GRIK4: variants seen among roughly 807,000 people sequenced by gnomAD.
GRIK4 encodes glutamate receptor ionotropic, kainate 4.
GRIK4 carries 40 observed loss-of-function variants against 104.9 expected under a neutral mutation model. The observed-to-expected ratio is 0.38, with a 90% CI of 0.30 to 0.50. The LOEUF is 0.50. Among genes scored for constraint, GRIK4 ranks in the 20% least tolerant of loss-of-function variants. The pLI, the probability that GRIK4 is intolerant of heterozygous loss-of-function variation, is 0.93. For synonymous variants in GRIK4, 485 were observed against 524.9 expected, an observed-to-expected ratio of 0.92 and a Z score of 1.04; for missense variants, 1,047 against 1,308.1, an observed-to-expected ratio of 0.80 and a Z score of 3.08.
intron 1 of GRIK4, among the ~76,000 whole-genome samples, chr11:120,633,456 G>A (rs576997780): frequency 2.0e-5 from 3 of 152,186 alleles, no homozygotes; most frequent in South Asian, 2.1e-4. Flanking sequence ...GTGTGTGCTC[G>A]CATGCACCTG....
intron 1 of GRIK4, among the ~76,000 whole-genome samples, chr11:120,644,253 G>A (rs1231356813): frequency 6.6e-6 from 1 of 152,200 alleles, no homozygotes; most frequent in African/African-American, 2.4e-5. Context: ...AAAGAGCAGT[G>A]AGGAAAATGC....
At chr11:120,969,817 T>G (rs1363162802) in intron 19 of GRIK4, among the ~76,000 whole-genome samples, 2 of 152,134 alleles carry the variant, frequency 1.3e-5, no homozygotes, top group East Asian at 3.9e-4. Flanking sequence ...TTATCAATCC[T>G]TCCTCTGATT....
At chr11:120,971,033 G>A (rs1944466293) in intron 19 of GRIK4, among the ~76,000 whole-genome samples, 1 of 152,164 alleles carries the variant, frequency 6.6e-6, no homozygotes, top group African/African-American at 2.4e-5. Context: ...GGTTGAGTAA[G>A]ATAAATCAAG....
chr11:120,788,792 C>T (rs1363328918), intron 3 of GRIK4, among the ~76,000 whole-genome samples: 2 of 151,558 alleles, frequency 1.3e-5, no homozygotes, highest in East Asian at 1.9e-4. Context: ...TTCCCCCCAC[C>T]GATTGTCCTA....
chr11:120,768,446 G>A (rs561988275), intron 3 of GRIK4, among the ~76,000 whole-genome samples: 40 of 151,634 alleles, frequency 2.6e-4, no homozygotes, highest in Non-Finnish European at 5.7e-4. Flanking sequence ...TTTTTTTTGT[G>A]GGTTAAAACT....
chr11:120,853,262 G>GTC (rs921933662), intron 8 of GRIK4, among the ~76,000 whole-genome samples: 2 of 152,166 alleles, frequency 1.3e-5, no homozygotes, highest in African/African-American at 4.8e-5. Flanking sequence ...AGACTTGTGT[G>GTC]TCTAGCCAAG....
At chr11:120,521,437 C>A (rs183436173) in intron 1 of GRIK4, among the ~76,000 whole-genome samples, 3 of 152,110 alleles carry the variant, frequency 2.0e-5, no homozygotes, top group Non-Finnish European at 4.4e-5. Flanking sequence ...TGATTTGTGT[C>A]CTCTCCCCCA....
chr11:120,849,347 G>A (rs970245437), intron 8 of GRIK4, among the ~76,000 whole-genome samples: 2 of 152,196 alleles, frequency 1.3e-5, no homozygotes, highest in Admixed American at 6.5e-5. Flanking sequence ...ATCTAATAGA[G>A]CTTTGGGAGA....
At chr11:120,641,471 G>A (rs1949471544) in intron 1 of GRIK4, among the ~76,000 whole-genome samples, 1 of 152,042 alleles carries the variant, frequency 6.6e-6, no homozygotes, top group South Asian at 2.1e-4. Flanking sequence ...TTGATTATAT[G>A]CTAAGCAAGG....
chr11:120,758,358 A>G (rs1486221546), intron 3 of GRIK4, among the ~76,000 whole-genome samples: 1 of 152,220 alleles, frequency 6.6e-6, no homozygotes, highest in Non-Finnish European at 1.5e-5. Flanking sequence ...GCCCTAAGCC[A>G]GTAGGTTTCA....
At position 120,567,457 on chromosome 11, in the gene GRIK4, C is replaced by T. The variant is rs187640302; in HGVS notation, c.-159+55570C>T. On this transcript the variant is annotated intron_variant, in intron 1 of 20. Coordinates refer to ENST00000527524, the MANE Select transcript of GRIK4 (RefSeq NM_014619.5). Reference sequence around the variant, plus strand: ...TACAGGTGTGAGGCATCTCCCCAGCCTTGATGTTTATGATGTGTTAAATAA... The same window carrying T: ...TACAGGTGTGAGGCATCTCCCCAGCTTTGATGTTTATGATGTGTTAAATAA... Among the ~76,000 whole-genome samples, 27 of 152,266 alleles carry T rather than the reference C, an allele frequency of 1.8e-4. No homozygotes were observed. In the East Asian group the frequency reaches 3.9e-3, roughly 22 times the overall value.
At chr11:120,824,553 C>T (rs369817890) in intron 6 of GRIK4, among the ~76,000 whole-genome samples, 6,213 of 128,218 alleles carry the variant, frequency 0.048, 157 homozygotes, top group Middle Eastern at 0.089. Context: ...TTTTTCTTTT[C>T]TTTTTTTTTT....
intron 3 of GRIK4, among the ~76,000 whole-genome samples, chr11:120,741,308 T>G (rs182786606): frequency 0.033 from 4,009 of 121,430 alleles, 71 homozygotes; most frequent in Middle Eastern, 0.072. Flanking sequence ...TGAGACGGAG[T>G]CTCACTGTCA....
chr11:120,538,228 C>T (rs966826644), intron 1 of GRIK4, among the ~76,000 whole-genome samples: 5 of 152,220 alleles, frequency 3.3e-5, no homozygotes, highest in African/African-American at 9.7e-5. Context: ...GACAGGGCCG[C>T]GCATCACTTG....
chr11:120,915,744 G>A lies in GRIK4; in HGVS notation c.1476+10251G>A, dbSNP rs370247330. On this transcript the variant is annotated intron_variant, in intron 13 of 20. Transcript: ENST00000527524. ...GCCACCAGGAGGGAAGGGAGTAGAA[G>A]CAGGGTGCTATAACTCCTGACAAGG... Among the ~76,000 whole-genome samples the A allele has an allele frequency of 3.3e-5, 5 of 152,322 alleles. No individual in the cohort carries two copies. In the East Asian group the frequency reaches 5.8e-4, roughly 18 times the overall value.
In GRIK4 at chr11:120,650,358, G is replaced by A. The variant is rs548597353; in HGVS notation, c.-158-3327G>A. Among the ~76,000 whole-genome samples, 8 of 152,300 alleles carry A rather than the reference G, an allele frequency of 5.3e-5. No individual in the cohort carries two copies. The South Asian group carries it at 1.7e-3, about 32-fold the overall frequency. The stretch of plus-strand genomic sequence containing the variant: ...GACTGGAAATCAACAGAGTAGATAC[G>A]CAGAAAAGAAGCTCTAGCTTTGTGG... On this transcript the variant is annotated intron_variant, in intron 1 of 20. Transcript: ENST00000527524.
Position 120,905,539 on chromosome 11 carries a change from G to GGGGGGGGT in GRIK4, c.1476+46_1476+47insGGGGGGGT. On this transcript the variant is annotated intron_variant, in intron 13 of 20. Transcript: ENST00000527524. This position sits in a 1 kb window ranked among gnomAD's most constrained non-coding sequence, Gnocchi z 5.1. ...CTGGGCCTGAGGGTGGGCTGGGAGG[G>GGGGGGGGT]ATTGGAAGAGCATGAGGTTGTGCTG... 2.0e-6 allele frequency: 1 copy of GGGGGGGGT among 503,046 alleles called. No homozygotes were observed. The highest frequency in any genetic ancestry group is 4.0e-6 in the Non-Finnish European group (1 of 248,896). The allele number at this position is 503,046 out of a possible 1,614,324, so 31.2% of individuals were successfully genotyped here.
intron 13 of GRIK4, among the ~76,000 whole-genome samples, chr11:120,919,650 C>A (rs896170178): frequency 6.6e-6 from 1 of 151,946 alleles, no homozygotes; most frequent in Non-Finnish European, 1.5e-5. Flanking sequence ...GGATGGATGG[C>A]GTGGGAAAGA....
intron 3 of GRIK4, among the ~76,000 whole-genome samples, chr11:120,725,044 A>T (rs765090714): frequency 3.1e-4 from 47 of 152,174 alleles, no homozygotes; most frequent in Non-Finnish European, 7.4e-5. Context: ...TTTTCTTTTT[A>T]TTATTCTTTA....
Sources: gnomAD v4.1 joint callset for allele counts (sites outside exome capture counted in the v4.1 genomes callset) on GRCh38, gnomAD v4.1.1 for gene constraint, Gnocchi (gnomAD v3.1) non-coding constraint, MANE v1.5 for transcripts, NCBI Gene and HGNC (gene_info 2026-07-23, HGNC 2026-07-21) for gene names.